CHST15: variants seen among roughly 807,000 people sequenced by gnomAD.
CHST15 encodes carbohydrate sulfotransferase 15, also known as B cell RAG associated protein (GALNAC4S-6ST).
CHST15 carries 30 observed loss-of-function variants against 53.6 expected under a neutral mutation model. The observed-to-expected ratio is 0.56, with a 90% confidence interval of 0.42 to 0.76. The LOEUF (loss-of-function observed/expected upper bound fraction) is 0.76, where lower values mean the gene tolerates loss of function less well. Ranked by LOEUF, CHST15 falls within the 30% of genes least tolerant of loss-of-function variation. The pLI is 0.00. For synonymous variants in CHST15, 296 were observed against 289.8 expected (o/e 1.02, Z -0.22); for missense variants, 627 against 740.5 (o/e 0.85, Z 1.78).
rs1052620008 is a variant in CHST15 at position 124,086,018 on chromosome 10, G to A, written c.-513+7451C>T. ...GCCCTGTGGGGGGCTGGGACCAAGA[G>A]AGAGGAGGCAGAGAAGCTTCTCCAG... On this transcript the variant is annotated intron_variant, in intron 1 of 7. Transcript: ENST00000435907. Among the ~76,000 whole-genome samples the A allele has an allele frequency of 3.3e-5, 5 of 152,324 alleles. No homozygotes were observed. In the South Asian group the frequency reaches 1.0e-3, roughly 32 times the overall value.
rs924775599 is a variant in CHST15 at position 124,022,811 on chromosome 10, CTTTTTTTTTTTT to C, written c.1191-1411_1191-1400del. On this transcript the variant is annotated intron_variant, in intron 5 of 7. Coordinates refer to ENST00000435907, the MANE Select transcript of CHST15 (RefSeq NM_001270764.2). Reference sequence around the variant, plus strand: ...CCCCTCGCCCTGCTCCTTGGCATTTCTTTTTTTTTTTTTTTTTTTTTTTGAGACAGAGTTTCA... The same window carrying C: ...CCCCTCGCCCTGCTCCTTGGCATTTCTTTTTTTTTTTGAGACAGAGTTTCA... Among the ~76,000 whole-genome samples the C allele has an allele frequency of 1.0e-4, 10 of 100,432 alleles. No individual in the cohort carries two copies. In the East Asian group the frequency reaches 2.0e-3, roughly 20 times the overall value. 65.9% of individuals were successfully genotyped at this position (100,432 alleles called of 152,430 possible).
Position 124,009,193 on chromosome 10 carries a change from G to A in CHST15, c.*956C>T. ...GTTTCTCTGATGATCTTGTAAACCT[G>A]ATGAGGGCTTGAATTACCTAGATTT... On this transcript the variant is annotated 3_prime_UTR_variant, in exon 8 of 8. Transcript: ENST00000435907. The A allele has an allele frequency of 8.6e-7, 1 of 1,164,262 alleles. No individual in the cohort carries two copies. Among genetic ancestry groups the A allele is most frequent in the South Asian group, 1.7e-5 (1 of 60,246 alleles). The allele number at this position is 1,164,262 out of a possible 1,614,324, so 72.1% of individuals were successfully genotyped here. A position where few individuals can be genotyped will look rare whatever the true frequency, so the allele number is the denominator to read the frequency against.
intron 5 of CHST15, among the ~76,000 whole-genome samples, chr10:124,022,002 AC>A (rs1946806990): frequency 6.7e-6 from 1 of 150,370 alleles, no homozygotes; most frequent in South Asian, 2.1e-4. Context: ...CTGCAGACTT[AC>A]ACGTTTACCC....
intron 1 of CHST15, among the ~76,000 whole-genome samples, chr10:124,088,198 G>A (rs1465669512): frequency 3.9e-5 from 6 of 152,354 alleles, no homozygotes; most frequent in South Asian, 4.1e-4. Flanking sequence ...GCCAGGGGGC[G>A]AAGTCTTCCC....
chr10:124,009,355 G>GA lies in CHST15; in HGVS notation c.*793dup. The stretch of plus-strand genomic sequence containing the variant: ...AGAGAGCCAGGACTGGTTAAATGCA[G>GA]AAAGTGGTTTTGTTTTAAACGCATT... On this transcript the variant is annotated 3_prime_UTR_variant, in exon 8 of 8. Transcript: ENST00000435907. The GA allele has an allele frequency of 9.8e-7, 1 of 1,018,824 alleles. No individual in the cohort carries two copies. The highest frequency in any genetic ancestry group is 1.2e-6 in the Non-Finnish European group (1 of 848,482). The allele number at this position is 1,018,824 out of a possible 1,614,324, so 63.1% of individuals were successfully genotyped here.
chr10:124,061,280 G>A (rs1948562954), intron 1 of CHST15, among the ~76,000 whole-genome samples: 1 of 152,154 alleles, frequency 6.6e-6, no homozygotes, highest in Non-Finnish European at 1.5e-5. Context: ...CCAGGAGGAG[G>A]TAATTGACTC....
chr10:124,043,939 AG>A (rs778650702), intron 3 of CHST15, among the ~76,000 whole-genome samples: 1 of 144,344 alleles, frequency 6.9e-6, no homozygotes, highest in African/African-American at 2.8e-5. Context: ...AGCACAGAGC[AG>A]GGGAACAGCA....
At position 124,074,510 on chromosome 10, in the gene CHST15, C is replaced by T. The variant is rs1157216847; in HGVS notation, c.-513+18959G>A. 1.3e-5 allele frequency among the ~76,000 whole-genome samples: 2 copies of T among 152,138 alleles called. No individual in the cohort carries two copies. The highest frequency in any genetic ancestry group is 2.9e-5 in the Non-Finnish European group (2 of 68,020). On this transcript the variant is annotated intron_variant, in intron 1 of 7. Coordinates refer to ENST00000435907, the MANE Select transcript of CHST15 (RefSeq NM_001270764.2). The surrounding 1 kb of genome is among the most constrained non-coding windows in gnomAD (Gnocchi z 4.4). ...CACATTCTAAGCCTTAAAATGAGAA[C>T]TCTGGGTCCAGGCACCTCACTGGGG...
In CHST15 at chr10:124,074,308, T is replaced by C. The variant is rs535907005; in HGVS notation, c.-513+19161A>G. ...TTCAAGAATTTCTCAAATCTCTCAGTAGAGACAGAAAATCAGCAAGTCCCT... is the reference window on the plus strand; with the variant it reads ...TTCAAGAATTTCTCAAATCTCTCAGCAGAGACAGAAAATCAGCAAGTCCCT... On this transcript the variant is annotated intron_variant, in intron 1 of 7. Coordinates refer to ENST00000435907, the MANE Select transcript of CHST15 (RefSeq NM_001270764.2). The surrounding 1 kb of genome is among the most constrained non-coding windows in gnomAD (Gnocchi z 4.4). Among the ~76,000 whole-genome samples, 124 of 152,168 alleles carry C rather than the reference T, an allele frequency of 8.1e-4. No individual in the cohort carries two copies. The highest frequency in any genetic ancestry group is 2.9e-3 in the African/African-American group (122 of 41,510).
At chr10:124,028,347 C>T (rs1417580076) in intron 5 of CHST15, among the ~76,000 whole-genome samples, 2 of 152,198 alleles carry the variant, frequency 1.3e-5, no homozygotes, top group African/African-American at 4.8e-5. Flanking sequence ...TCGGCCTGGC[C>T]TCTATGTGGA....
chr10:124,087,687 C>T (rs1051372626), intron 1 of CHST15, among the ~76,000 whole-genome samples: 7 of 152,236 alleles, frequency 4.6e-5, no homozygotes, highest in African/African-American at 1.7e-4. Context: ...TCAGGGAGAG[C>T]CTGCCGAAGC....
intron 1 of CHST15, among the ~76,000 whole-genome samples, chr10:124,061,465 G>A (rs1479547764): frequency 6.6e-6 from 1 of 152,166 alleles, no homozygotes; most frequent in Non-Finnish European, 1.5e-5. Flanking sequence ...AGGTGGAACT[G>A]TAAGTCTAAT....
chr10:124,022,789 C>G (rs575412437), intron 5 of CHST15, among the ~76,000 whole-genome samples: 2 of 151,380 alleles, frequency 1.3e-5, no homozygotes, highest in Non-Finnish European at 2.9e-5. Flanking sequence ...CACCAACCCC[C>G]TCGCCCTGCT....
At chr10:124,028,885 C>T (rs1184611607) in intron 5 of CHST15, among the ~76,000 whole-genome samples, 2 of 152,144 alleles carry the variant, frequency 1.3e-5, no homozygotes, top group African/African-American at 2.4e-5. Flanking sequence ...GCCCCACCTC[C>T]CCGTGCTCCT....
intron 1 of CHST15, among the ~76,000 whole-genome samples, chr10:124,065,311 G>A (rs1423962832): frequency 6.6e-6 from 1 of 152,150 alleles, no homozygotes; most frequent in Non-Finnish European, 1.5e-5. Flanking sequence ...TGAACCAGGA[G>A]ATCCAGGCTG....
chr10:124,037,071 C>T (rs1004155044), intron 5 of CHST15, among the ~76,000 whole-genome samples: 2 of 152,154 alleles, frequency 1.3e-5, no homozygotes, highest in African/African-American at 2.4e-5. Flanking sequence ...TCCTTGGCAC[C>T]CCTTGGCTGG....
In CHST15 at chr10:124,074,062, CAT is replaced by C. The variant is rs575289862; in HGVS notation, c.-513+19405_-513+19406del. On this transcript the variant is annotated intron_variant, in intron 1 of 7. Coordinates refer to ENST00000435907, the MANE Select transcript of CHST15 (RefSeq NM_001270764.2). This position sits in a 1 kb window ranked among gnomAD's most constrained non-coding sequence, Gnocchi z 4.4. ...GGGGCTTTAAAAGAGATATTTTCCA[CAT>C]AGTCTTTTTAGCCTCTTTCCATAGA... Among the ~76,000 whole-genome samples the C allele has an allele frequency of 5.3e-4, 80 of 152,320 alleles. No individual in the cohort carries two copies. Among genetic ancestry groups the C allele is most frequent in the Admixed American group, 3.4e-3 (52 of 15,308 alleles).
chr10:124,012,865 T>C (rs988679579), intron 6 of CHST15, among the ~76,000 whole-genome samples: 1 of 152,140 alleles, frequency 6.6e-6, no homozygotes, highest in Non-Finnish European at 1.5e-5. Flanking sequence ...CACAACGGGA[T>C]GTGAAAAATC....
At chr10:124,029,843 G>A (rs972265856) in intron 5 of CHST15, among the ~76,000 whole-genome samples, 7 of 152,182 alleles carry the variant, frequency 4.6e-5, no homozygotes, top group Admixed American at 1.3e-4. Context: ...CCAGAACTCC[G>A]GGTGAGACAG....
Sources: allele counts gnomAD v4.1 joint callset (sites outside exome capture counted in the v4.1 genomes callset), GRCh38; gene constraint gnomAD v4.1.1; non-coding constraint Gnocchi (gnomAD v3.1); transcripts MANE v1.5; gene names NCBI Gene and HGNC (gene_info 2026-07-23, HGNC 2026-07-21).